APBA1: variants seen among roughly 807,000 people sequenced by gnomAD.
The protein encoded by APBA1 is amyloid beta precursor protein binding family A member 1.
In APBA1, 55 loss-of-function variants were observed where a neutral mutation model predicts 86.6. That is an observed-to-expected ratio of 0.64 (90% CI 0.51 to 0.80). The LOEUF (loss-of-function observed/expected upper bound fraction) is 0.80. APBA1 is among the 30% of genes least tolerant of loss of function. APBA1 has a pLI of 0.00. For missense variants in APBA1, 1,090 were observed against 1,183.0 expected, an observed-to-expected ratio of 0.92 and a Z score of 1.15; for synonymous variants, 511 against 493.9, an observed-to-expected ratio of 1.03 and a Z score of -0.46.
chr9:69,523,491 ATATAT>A (rs1564066136), intron 1 of APBA1, among the ~76,000 whole-genome samples: 6 of 13,168 alleles, frequency 4.6e-4, no homozygotes, highest in South Asian at 2.6e-3. Context: ...ATATATATAT[ATATAT>A]GTATATATAT....
At chr9:69,599,645 A>G (rs1420119881) in intron 1 of APBA1, among the ~76,000 whole-genome samples, 1 of 152,196 alleles carries the variant, frequency 6.6e-6, no homozygotes, top group African/African-American at 2.4e-5. Flanking sequence ...AGTGGTTCTC[A>G]AAGTGTGGCC....
At chr9:69,624,716 C>T (rs1822894258) in intron 1 of APBA1, among the ~76,000 whole-genome samples, 1 of 152,132 alleles carries the variant, frequency 6.6e-6, no homozygotes, top group South Asian at 2.1e-4. Context: ...AATGGCATGA[C>T]CAAAACTTGG....
At position 69,456,289 on chromosome 9, in the gene APBA1, T is replaced by C; in HGVS notation, c.1746A>G (p.Lys582=). ...VEASHPSQDG[K]RQYKMICHVF... is the part of the protein sequence containing the mutation. ...CGTGGCAGATCATCTTGTACTGCCT[T>C]TTCCCATCCTGGGATGGGTGGGACG... The change falls in exon 8 of 13, where the codon AAA becomes AAG. Residue 582 remains lysine, a synonymous_variant. Coordinates refer to ENST00000265381, the MANE Select transcript of APBA1 (RefSeq NM_001163.4). The C allele has an allele frequency of 6.2e-7, 1 of 1,614,172 alleles. No individual in the cohort carries two copies. The highest frequency in any genetic ancestry group is 8.5e-7 in the Non-Finnish European group (1 of 1,180,010).
intron 1 of APBA1, among the ~76,000 whole-genome samples, chr9:69,661,330 A>G (rs1319278881): frequency 6.6e-6 from 1 of 152,178 alleles, no homozygotes; most frequent in Admixed American, 6.5e-5. Context: ...CAATGTCATG[A>G]TGAAGGAAGT....
At chr9:69,666,046 T>C (rs1361663313) in intron 1 of APBA1, among the ~76,000 whole-genome samples, 2 of 152,238 alleles carry the variant, frequency 1.3e-5, no homozygotes, top group African/African-American at 4.8e-5. Context: ...ATACATTTGA[T>C]TGAGGATATT....
At chr9:69,568,851 T>G (rs1001580130) in intron 1 of APBA1, among the ~76,000 whole-genome samples, 1 of 152,174 alleles carries the variant, frequency 6.6e-6, no homozygotes, top group Non-Finnish European at 1.5e-5. Context: ...GGAAAAAGTT[T>G]AGGATAGTGA....
At chr9:69,570,511 T>A (rs549129778) in intron 1 of APBA1, among the ~76,000 whole-genome samples, 1 of 152,328 alleles carries the variant, frequency 6.6e-6, no homozygotes, top group South Asian at 2.1e-4. Flanking sequence ...TCTTTAAGCA[T>A]CTCTTTTTCT....
chr9:69,651,690 G>A lies in APBA1; in HGVS notation c.-70+20463C>T, dbSNP rs545563254. On this transcript the variant is annotated intron_variant, in intron 1 of 12. Coordinates refer to ENST00000265381, the MANE Select transcript of APBA1 (RefSeq NM_001163.4). ...GGGGTTTCGCCATGTTGGCCAGGCTGGTCTCAAACTCCTGACCTCAGGTGA... is the reference window on the plus strand; with the variant it reads ...GGGGTTTCGCCATGTTGGCCAGGCTAGTCTCAAACTCCTGACCTCAGGTGA... 7.2e-5 allele frequency among the ~76,000 whole-genome samples: 11 copies of A among 152,278 alleles called. No homozygotes were observed. The East Asian group carries it at 1.9e-3, about 27-fold the overall frequency.
chr9:69,613,634 A>C (rs944733138), intron 1 of APBA1, among the ~76,000 whole-genome samples: 1 of 152,152 alleles, frequency 6.6e-6, no homozygotes, highest in Admixed American at 6.5e-5. Flanking sequence ...AACTCTGTTG[A>C]CATGGCCTGA....
chr9:69,473,014 G>C (rs2133835094), intron 3 of APBA1, among the ~76,000 whole-genome samples: 1 of 152,256 alleles, frequency 6.6e-6, no homozygotes, highest in East Asian at 1.9e-4. Flanking sequence ...CATTGTACAG[G>C]GCAGCTTTTC....
At chr9:69,581,213 C>T (rs1821907838) in intron 1 of APBA1, among the ~76,000 whole-genome samples, 1 of 152,116 alleles carries the variant, frequency 6.6e-6, no homozygotes, top group Non-Finnish European at 1.5e-5. Context: ...AATGCATTTT[C>T]CCCTCACCCT....
chr9:69,517,316 G>A, intron 1 of APBA1, 37 bp from the exon 2 acceptor site: 1 of 1,391,840 alleles, frequency 7.2e-7, no homozygotes, highest in Middle Eastern at 2.4e-4. Flanking sequence ...GTCACGTGGT[G>A]CAAACAGTCG....
intron 2 of APBA1, among the ~76,000 whole-genome samples, chr9:69,482,458 A>C (rs1262763799): frequency 6.6e-6 from 1 of 151,266 alleles, no homozygotes; most frequent in Non-Finnish European, 1.5e-5. Flanking sequence ...GCAATCATTA[A>C]AAAGTCAGGA....
In APBA1 at chr9:69,430,124, G is replaced by C. The variant is rs943346510; in HGVS notation, c.*1203C>G. On this transcript the variant is annotated 3_prime_UTR_variant, in exon 13 of 13. Transcript: ENST00000265381. ...TGAGGCATAACTTGAGGTTGCTATT[G>C]TCTCCTTAATTTTGTGGTTTATGTA... The C allele has an allele frequency of 3.3e-5, 5 of 152,210 alleles. No individual in the cohort carries two copies. Among genetic ancestry groups the C allele is most frequent in the Non-Finnish European group, 5.9e-5 (4 of 68,046 alleles). 9.4% of individuals were successfully genotyped at this position (152,210 alleles called of 1,614,324 possible).
chr9:69,475,511 G>T (rs1268970744), intron 3 of APBA1, among the ~76,000 whole-genome samples: 1 of 152,182 alleles, frequency 6.6e-6, no homozygotes, highest in Non-Finnish European at 1.5e-5. Flanking sequence ...GGGCTGCCTG[G>T]ACAACAGGTG....
chr9:69,456,143 T>C, intron 8 of APBA1, 104 bp downstream of exon 8: 2 of 1,261,930 alleles, frequency 1.6e-6, no homozygotes, highest in South Asian at 2.5e-5. Context: ...ACACAGTACG[T>C]GCACAATAAA....
At chr9:69,474,345 A>G (rs962674496) in intron 3 of APBA1, 2 of 152,210 alleles carry the variant, frequency 1.3e-5, no homozygotes, top group Non-Finnish European at 2.9e-5. Flanking sequence ...TGAGCTCTAC[A>G]ATCTCAGGTA....
At chr9:69,486,869 TC>T (rs961045785) in intron 2 of APBA1, among the ~76,000 whole-genome samples, 6 of 103,342 alleles carry the variant, frequency 5.8e-5, no homozygotes, top group Non-Finnish European at 1.1e-4. Context: ...TTTCTTCTTT[TC>T]TTTTTTTTTT....
intron 5 of APBA1, among the ~76,000 whole-genome samples, chr9:69,459,768 T>C (rs1431018417): frequency 6.6e-6 from 1 of 152,180 alleles, no homozygotes. Flanking sequence ...ATCTGTAAAG[T>C]GAAGATAAAA....
Sources: gnomAD v4.1 joint callset for allele counts (sites outside exome capture counted in the v4.1 genomes callset) on GRCh38, gnomAD v4.1.1 for gene constraint, MANE v1.5 for transcripts, NCBI Gene and HGNC (gene_info 2026-07-23, HGNC 2026-07-21) for gene names.